Variants in KCNIP4 observed in about 807,000 individuals in gnomAD.
KCNIP4 encodes the protein Kv channel-interacting protein 4.
Under a neutral mutation model 34.0 loss-of-function variants are expected in KCNIP4, and 12 were observed. That is an observed-to-expected ratio of 0.35 (90% CI 0.23 to 0.57). The LOEUF is 0.57. KCNIP4 is among the 20% of genes least tolerant of loss of function. The pLI is 0.83. For missense variants in KCNIP4, 238 were observed against 311.7 expected, an observed-to-expected ratio of 0.76 and a Z score of 1.78; for synonymous variants, 124 against 102.2, an observed-to-expected ratio of 1.21 and a Z score of -1.29.
At chr4:21,791,293 G>C (rs1044116211) in intron 1 of KCNIP4, among the ~76,000 whole-genome samples, 1 of 152,082 alleles carries the variant, frequency 6.6e-6, no homozygotes, top group African/African-American at 2.4e-5. Context: ...ATTCATGAGG[G>C]CTTCATCCTT....
chr4:21,407,285 G>A (rs1724073760), intron 1 of KCNIP4, among the ~76,000 whole-genome samples: 1 of 151,584 alleles, frequency 6.6e-6, no homozygotes, highest in Non-Finnish European at 1.5e-5. Context: ...CTCAACAAAT[G>A]CACCCTCCAT....
At chr4:20,765,838 G>T (rs1755351314) in intron 3 of KCNIP4, among the ~76,000 whole-genome samples, 1 of 152,136 alleles carries the variant, frequency 6.6e-6, no homozygotes, top group Non-Finnish European at 1.5e-5. Flanking sequence ...CGCCTTTTGG[G>T]GCCTTACTGC....
intron 1 of KCNIP4, among the ~76,000 whole-genome samples, chr4:20,886,487 A>G (rs145466322): frequency 8.7e-4 from 132 of 152,262 alleles, no homozygotes; most frequent in African/African-American, 3.0e-3. Flanking sequence ...GTTATTGACT[A>G]AGGGCTGGGA....
chr4:21,209,627 TTATC>T lies in KCNIP4; in HGVS notation c.62-326922_62-326919del, dbSNP rs1388349131. 2.0e-5 allele frequency among the ~76,000 whole-genome samples: 3 copies of T among 151,882 alleles called. No individual in the cohort carries two copies. In the South Asian group the frequency reaches 6.2e-4, roughly 31 times the overall value. ...TCTATCTATCTATCTATTTATCTAT[TTATC>T]TATCTATCTATCATATCTGTATGCT... On this transcript the variant is annotated intron_variant, in intron 1 of 8. Coordinates refer to ENST00000382152, the MANE Select transcript of KCNIP4 (RefSeq NM_025221.6).
At chr4:21,157,103 G>C (rs553576040) in intron 1 of KCNIP4, among the ~76,000 whole-genome samples, 2 of 152,050 alleles carry the variant, frequency 1.3e-5, no homozygotes, top group African/African-American at 2.4e-5. Flanking sequence ...CCTCGCTGAG[G>C]CTTCGTTTTA....
At chr4:21,774,209 G>A (rs943915984) in intron 1 of KCNIP4, among the ~76,000 whole-genome samples, 28 of 152,058 alleles carry the variant, frequency 1.8e-4, no homozygotes, top group Admixed American at 6.6e-5. Context: ...TAGTTTGGCT[G>A]GATATGAAAC....
chr4:20,775,786 T>G (rs1756323649), intron 3 of KCNIP4, among the ~76,000 whole-genome samples: 1 of 152,126 alleles, frequency 6.6e-6, no homozygotes, highest in Non-Finnish European at 1.5e-5. Context: ...AGAATAAATC[T>G]CTGTACTACT....
chr4:21,529,777 T>TA (rs991775920), intron 1 of KCNIP4, among the ~76,000 whole-genome samples: 1 of 152,146 alleles, frequency 6.6e-6, no homozygotes, highest in Non-Finnish European at 1.5e-5. Context: ...TATTATGAGA[T>TA]AAAATACAAG....
At chr4:21,948,271 G>A (rs1298820715) in intron 1 of KCNIP4, among the ~76,000 whole-genome samples, 1 of 152,180 alleles carries the variant, frequency 6.6e-6, no homozygotes, top group African/African-American at 2.4e-5. Flanking sequence ...AAACAACCTC[G>A]GAAATTTTCA....
intron 1 of KCNIP4, among the ~76,000 whole-genome samples, chr4:21,225,105 T>G (rs1049272397): frequency 7.9e-5 from 12 of 152,178 alleles, no homozygotes; most frequent in Non-Finnish European, 1.5e-4. Context: ...AAATGCATTT[T>G]TGACTAATGA....
At chr4:21,785,883 T>C (rs1323012680) in intron 1 of KCNIP4, among the ~76,000 whole-genome samples, 4 of 152,222 alleles carry the variant, frequency 2.6e-5, no homozygotes, top group African/African-American at 4.8e-5. Context: ...TCCCACTTTT[T>C]GACTATTACA....
chr4:21,595,179 C>A (rs1742545331), intron 1 of KCNIP4, among the ~76,000 whole-genome samples: 1 of 152,024 alleles, frequency 6.6e-6, no homozygotes, highest in Non-Finnish European at 1.5e-5. Flanking sequence ...GTGTGATGTT[C>A]CCCTCCCTGT....
intron 1 of KCNIP4, among the ~76,000 whole-genome samples, chr4:21,151,406 A>T (rs6811813): frequency 0.34 from 17,294 of 50,874 alleles, 3,213 homozygotes; most frequent in African/African-American, 0.53. Context: ...ACAAAAGACA[A>T]TTTTTTTTTT....
intron 1 of KCNIP4, among the ~76,000 whole-genome samples, chr4:20,920,551 A>C (rs574353247): frequency 2.6e-4 from 40 of 152,316 alleles, no homozygotes; most frequent in African/African-American, 9.4e-4. Flanking sequence ...GGCAAAAGAT[A>C]CACAGTGGGG....
chr4:21,353,440 G>A (rs1279939544), intron 1 of KCNIP4, among the ~76,000 whole-genome samples: 1 of 152,180 alleles, frequency 6.6e-6, no homozygotes, highest in Non-Finnish European at 1.5e-5. Context: ...AAACAGTGTA[G>A]AGAAGACCTT....
In KCNIP4 at chr4:20,850,595, T is replaced by A; in HGVS notation, c.236A>T (p.Gln79Leu). The A allele has an allele frequency of 1.2e-6, 2 of 1,612,942 alleles. No individual in the cohort carries two copies. Among genetic ancestry groups the A allele is most frequent in the Non-Finnish European group, 1.7e-6 (2 of 1,179,732 alleles). The change falls in exon 3 of 9, where the codon CAG becomes CTG. Residue 79 changes from glutamine to leucine, a missense_variant. Gln to Leu is a moderately radical substitution (Grantham distance 113). Coordinates refer to ENST00000382152, the MANE Select transcript of KCNIP4 (RefSeq NM_025221.6). ...AAGCTCTTTCTTGGTAAATTTGCTCTGGGCTTCCAGAAGCTCAAGGGCTTC... is the reference window on the plus strand; with the variant it reads ...AAGCTCTTTCTTGGTAAATTTGCTCAGGGCTTCCAGAAGCTCAAGGGCTTC... ...RPEALELLEA[Q>L]SKFTKKELQI...
intron 1 of KCNIP4, among the ~76,000 whole-genome samples, chr4:21,745,175 G>C: frequency 6.6e-6 from 1 of 152,144 alleles, no homozygotes; most frequent in Non-Finnish European, 1.5e-5. Context: ...TTGATAAAAA[G>C]TTCCACAAAG....
At chr4:21,042,397 G>T (rs1742039766) in intron 1 of KCNIP4, among the ~76,000 whole-genome samples, 1 of 152,138 alleles carries the variant, frequency 6.6e-6, no homozygotes, top group Middle Eastern at 3.2e-3. Context: ...ACATGGATAA[G>T]CCTGGGGAGC....
At chr4:21,933,124 A>G (rs2109010507) in intron 1 of KCNIP4, among the ~76,000 whole-genome samples, 1 of 151,894 alleles carries the variant, frequency 6.6e-6, no homozygotes, top group South Asian at 2.1e-4. Flanking sequence ...AAGGGCAAGC[A>G]GTACAAATAC....
Sources: gnomAD v4.1 joint callset for allele counts (sites outside exome capture counted in the v4.1 genomes callset) on GRCh38, gnomAD v4.1.1 for gene constraint, MANE v1.5 for transcripts, NCBI Gene and HGNC (gene_info 2026-07-23, HGNC 2026-07-21) for gene names.